MIPEP: variants seen among roughly 807,000 people sequenced by gnomAD.
MIPEP encodes the protein mitochondrial intermediate peptidase.
MIPEP carries 79 observed loss-of-function variants against 90.3 expected under a neutral mutation model. The ratio of observed to expected loss-of-function variants is 0.87; its 90% confidence interval spans 0.73 to 1.05. MIPEP has a LOEUF of 1.05. Ranked by LOEUF, MIPEP falls within the 50% of genes least tolerant of loss-of-function variation. MIPEP has a pLI of 0.00. For missense variants in MIPEP, 940 were observed against 905.6 expected, an observed-to-expected ratio of 1.04 and a Z score of -0.49; for synonymous variants, 334 against 315.8, an observed-to-expected ratio of 1.06 and a Z score of -0.61.
At chr13:23,844,251 G>A (rs1419497193) in intron 10 of MIPEP, among the ~76,000 whole-genome samples, 5 of 152,188 alleles carry the variant, frequency 3.3e-5, no homozygotes, top group South Asian at 4.1e-4. Flanking sequence ...CAGTTCAGAG[G>A]TACTGAAGAA....
At chr13:23,888,981 C>T in intron 1 of MIPEP, 151 bp downstream of exon 1, 1 of 724,772 alleles carries the variant, frequency 1.4e-6, no homozygotes, top group Non-Finnish European at 2.0e-6. Context: ...TTGCCCTCAT[C>T]GAGAGCGCAC....
intron 14 of MIPEP, among the ~76,000 whole-genome samples, chr13:23,830,339 T>C (rs886334029): frequency 6.6e-6 from 1 of 152,218 alleles, no homozygotes; most frequent in African/African-American, 2.4e-5. Context: ...AATACCATTT[T>C]TGTAAAGTTC....
intron 18 of MIPEP, chr13:23,747,689 A>C (rs1210863481): frequency 2.6e-6 from 1 of 385,426 alleles, no homozygotes; most frequent in African/African-American, 2.1e-5. Context: ...GATAAAAAAA[A>C]TTCCTGAACC....
At chr13:23,841,268 C>A in intron 11 of MIPEP, 67 bp downstream of exon 11, 2 of 1,433,282 alleles carry the variant, frequency 1.4e-6, no homozygotes, top group Non-Finnish European at 1.9e-6. Context: ...CCTGAAACTG[C>A]TGTTGACTCA....
intron 16 of MIPEP, among the ~76,000 whole-genome samples, chr13:23,794,959 C>A (rs1952940539): frequency 6.6e-6 from 1 of 152,122 alleles, no homozygotes. Context: ...TTTATGCAGG[C>A]AAAGAGGAAA....
At chr13:23,821,144 G>A (rs1427473397) in intron 14 of MIPEP, among the ~76,000 whole-genome samples, 4 of 152,180 alleles carry the variant, frequency 2.6e-5, no homozygotes, top group African/African-American at 9.7e-5. Flanking sequence ...AAATACAATA[G>A]TAAATCTAGT....
intron 14 of MIPEP, among the ~76,000 whole-genome samples, chr13:23,816,209 A>T (rs1395601254): frequency 1.3e-5 from 2 of 152,026 alleles, no homozygotes; most frequent in Non-Finnish European, 1.5e-5. Context: ...TTTTTGGCAA[A>T]TTCTCAGTTA....
intron 10 of MIPEP, among the ~76,000 whole-genome samples, chr13:23,843,529 T>C (rs1869400928): frequency 6.6e-6 from 1 of 152,242 alleles, no homozygotes; most frequent in African/African-American, 2.4e-5. Flanking sequence ...TTTTTATAAG[T>C]TGAGATAAAG....
rs533825311 is a variant in MIPEP, at chr13:23,767,076, C to T, written c.1849-6859G>A. Among the ~76,000 whole-genome samples, 3 of 152,270 alleles carry T rather than the reference C, an allele frequency of 2.0e-5. No homozygotes were observed. In the South Asian group the frequency reaches 6.2e-4, roughly 32 times the overall value. The stretch of plus-strand genomic sequence containing the variant: ...GACCTGTGGGTAGCCTAGAGCCAAC[C>T]GGTAAGAAGCCTGTCCTCAGTGCTA... On this transcript the variant is annotated intron_variant, in intron 16 of 18. Coordinates refer to ENST00000382172, the MANE Select transcript of MIPEP (RefSeq NM_005932.4).
intron 7 of MIPEP, among the ~76,000 whole-genome samples, chr13:23,866,220 C>G (rs1240070953): frequency 6.6e-6 from 1 of 152,168 alleles, no homozygotes; most frequent in Non-Finnish European, 1.5e-5. Flanking sequence ...GCTCCTAAAT[C>G]CCATGGCATT....
Position 23,769,285 on chromosome 13 carries a change from G to A in MIPEP, c.1849-9068C>T, listed in dbSNP as rs183976336. 1.2e-3 allele frequency among the ~76,000 whole-genome samples: 187 copies of A among 152,276 alleles called. 1 individual carries two copies. The highest frequency in any genetic ancestry group is 2.3e-3 in the Non-Finnish European group (154 of 68,028). On this transcript the variant is annotated intron_variant, in intron 16 of 18. Coordinates refer to ENST00000382172, the MANE Select transcript of MIPEP (RefSeq NM_005932.4). ...GAACCCTGATCAGGCAGCTCTGGGAGTCAATGAAACCCCTGAGGCACACGA... is the reference window on the plus strand; with the variant it reads ...GAACCCTGATCAGGCAGCTCTGGGAATCAATGAAACCCCTGAGGCACACGA...
chr13:23,843,005 G>A (rs997140873), intron 10 of MIPEP, among the ~76,000 whole-genome samples: 1 of 148,574 alleles, frequency 6.7e-6, no homozygotes, highest in African/African-American at 2.5e-5. Context: ...GGCTGAGGCA[G>A]AGAATTGCTT....
chr13:23,765,654 C>T (rs1177804487), intron 16 of MIPEP, among the ~76,000 whole-genome samples: 1 of 152,136 alleles, frequency 6.6e-6, no homozygotes, highest in African/African-American at 2.4e-5. Context: ...ATATTGTGCC[C>T]ATGTCTGGAC....
chr13:23,767,538 AC>A (rs1952603651), intron 16 of MIPEP, among the ~76,000 whole-genome samples: 1 of 150,548 alleles, frequency 6.6e-6, no homozygotes, highest in African/African-American at 2.4e-5. Context: ...TGTAACCTCC[AC>A]CTCCCAGGTT....
At position 23,874,915 on chromosome 13, in the gene MIPEP, A is replaced by G. The variant is rs1870998435; in HGVS notation, c.540-6T>C. The G allele has an allele frequency of 1.3e-6, 2 of 1,597,292 alleles. No homozygotes were observed. The highest frequency in any genetic ancestry group is 1.7e-6 in the Non-Finnish European group (2 of 1,175,188). Reference sequence around the variant, plus strand: ...TAAACAGTTCAGCCACTCGCCTATAAATGAAATGAGCCCCAGGTTATAACA... The same window carrying G: ...TAAACAGTTCAGCCACTCGCCTATAGATGAAATGAGCCCCAGGTTATAACA... On this transcript the variant is annotated splice_polypyrimidine_tract_variant and splice_region_variant and intron_variant, in intron 4 of 18. Transcript: ENST00000382172.
At chr13:23,840,571 A>G (rs751171488) in intron 11 of MIPEP, among the ~76,000 whole-genome samples, 6 of 152,208 alleles carry the variant, frequency 3.9e-5, no homozygotes, top group Non-Finnish European at 8.8e-5. Context: ...CAGATAGTGA[A>G]GTAAATCAAT....
intron 12 of MIPEP, 101 bp from the exon 13 acceptor site, chr13:23,837,857 G>T: frequency 1.2e-6 from 1 of 809,306 alleles, no homozygotes; most frequent in Non-Finnish European, 2.0e-6. Flanking sequence ...ATGTGTGAGT[G>T]CAAACTTTAA....
At chr13:23,747,378 C>A (rs1368643551) in intron 18 of MIPEP, among the ~76,000 whole-genome samples, 2 of 152,144 alleles carry the variant, frequency 1.3e-5, no homozygotes, top group Non-Finnish European at 2.9e-5. Context: ...CAGTAAGGAC[C>A]TATTTGGGAA....
intron 15 of MIPEP, among the ~76,000 whole-genome samples, chr13:23,806,463 G>A (rs946103473): frequency 2.6e-5 from 4 of 152,090 alleles, no homozygotes; most frequent in African/African-American, 9.7e-5. Flanking sequence ...GGATCACGAG[G>A]TCAGGAGATC....
Sources: allele counts gnomAD v4.1 joint callset (sites outside exome capture counted in the v4.1 genomes callset), GRCh38; gene constraint gnomAD v4.1.1; transcripts MANE v1.5; gene names NCBI Gene and HGNC (gene_info 2026-07-23, HGNC 2026-07-21).